Variants in ZNF18 observed in about 807,000 individuals in gnomAD.
ZNF18 encodes heart development-specific gene 1 protein.
Under a neutral mutation model 58.1 loss-of-function variants are expected in ZNF18, and 42 were observed. That is an observed-to-expected ratio of 0.72 (90% CI 0.56 to 0.93). ZNF18 has a LOEUF of 0.93. Ranked by LOEUF, ZNF18 falls within the 40% of genes least tolerant of loss-of-function variation. ZNF18 has a pLI of 0.00. For synonymous variants in ZNF18, 231 were observed against 239.8 expected (o/e 0.96, Z 0.34); for missense variants, 540 against 644.2 (o/e 0.84, Z 1.75).
the ZNF18 span, among the ~76,000 whole-genome samples, chr17:12,012,076 T>A: frequency 6.6e-6 from 1 of 152,232 alleles, no homozygotes; most frequent in Non-Finnish European, 1.5e-5. Flanking sequence ...AAAGAATATA[T>A]AATGTAAAGT....
chr17:12,012,418 G>A, the ZNF18 span, among the ~76,000 whole-genome samples: 6 of 152,286 alleles, frequency 3.9e-5, no homozygotes, highest in South Asian at 8.3e-4. Flanking sequence ...ACTATATTCA[G>A]TAACCTTGGA....
At chr17:11,993,000 T>C (rs192174954) in intron 1 of ZNF18, 89 bp from the exon 2 acceptor site, 60 of 728,792 alleles carry the variant, frequency 8.2e-5, no homozygotes, top group Admixed American at 1.5e-4. Context: ...CGAGAAGCCA[T>C]GGGGTCAACT....
At chr17:12,006,819 G>T in the ZNF18 span, among the ~76,000 whole-genome samples, 5 of 151,880 alleles carry the variant, frequency 3.3e-5, no homozygotes, top group African/African-American at 1.2e-4. Flanking sequence ...TATCCCAGAA[G>T]AAAGAAAAAA....
intron 6 of ZNF18, 91 bp from the exon 7 acceptor site, chr17:11,978,835 ATTTTCT>A: frequency 4.6e-6 from 1 of 216,620 alleles, no homozygotes. Flanking sequence ...TAAAACATTC[ATTTTCT>A]TTTTTTTTTT....
At chr17:12,019,713 G>C in the ZNF18 span, among the ~76,000 whole-genome samples, 7 of 152,188 alleles carry the variant, frequency 4.6e-5, no homozygotes, top group Admixed American at 2.6e-4. Flanking sequence ...GAACAAGAAG[G>C]CAGGGCTATT....
At chr17:12,008,141 C>T in the ZNF18 span, among the ~76,000 whole-genome samples, 2 of 152,076 alleles carry the variant, frequency 1.3e-5, no homozygotes, top group East Asian at 1.9e-4. Context: ...GCTGGTTACC[C>T]GGAATTAAGC....
chr17:12,003,962 G>C, the ZNF18 span, among the ~76,000 whole-genome samples: 3 of 152,260 alleles, frequency 2.0e-5, no homozygotes, highest in Admixed American at 2.0e-4. Context: ...GCCGGGTGCA[G>C]TGACTCACGC....
chr17:11,988,954 T>C (rs1967924798), intron 4 of ZNF18, among the ~76,000 whole-genome samples: 2 of 151,556 alleles, frequency 1.3e-5, no homozygotes, highest in Non-Finnish European at 2.9e-5. Context: ...AGGTCAGGAG[T>C]TCGAGACCAG....
At chr17:11,984,806 C>T (rs974795088) in intron 4 of ZNF18, among the ~76,000 whole-genome samples, 3 of 152,062 alleles carry the variant, frequency 2.0e-5, no homozygotes, top group Admixed American at 6.5e-5. Context: ...CTTGCCTGGC[C>T]GGTACTATTT....
chr17:12,016,999 C>T, the ZNF18 span, among the ~76,000 whole-genome samples: 5 of 152,128 alleles, frequency 3.3e-5, no homozygotes, highest in Admixed American at 6.5e-5. Flanking sequence ...GAGTTCAAGA[C>T]AAGCCTGGGC....
At chr17:12,011,195 G>C in the ZNF18 span, 3 of 551,366 alleles carry the variant, frequency 5.4e-6, no homozygotes, top group Non-Finnish European at 9.9e-6. Flanking sequence ...TATATCGGGT[G>C]CCTCTCCTCT....
intron 4 of ZNF18, 21 bp downstream of exon 4, chr17:11,990,441 C>A (rs779990077): frequency 2.5e-6 from 4 of 1,601,660 alleles, no homozygotes; most frequent in Non-Finnish European, 3.4e-6. Flanking sequence ...TCCTTTTCAT[C>A]GCTTTTGTAC....
upstream of ZNF18, among the ~76,000 whole-genome samples, chr17:11,999,151 T>C (rs1459245014): frequency 1.3e-5 from 2 of 152,226 alleles, no homozygotes; most frequent in Admixed American, 6.5e-5. Context: ...GGGAAGATTA[T>C]AGGAGTTTTA....
At chr17:11,998,637 T>C (rs775854452), upstream of ZNF18, among the ~76,000 whole-genome samples, 31 of 152,180 alleles carry the variant, frequency 2.0e-4, no homozygotes, top group Non-Finnish European at 3.5e-4. Flanking sequence ...GTCCCATGTT[T>C]ACAAGAATTA....
chr17:11,983,221 TCA>T, intron 6 of ZNF18, 74 bp downstream of exon 6: 1 of 1,150,132 alleles, frequency 8.7e-7, no homozygotes. Flanking sequence ...CTGACCTCCT[TCA>T]CCACCTCCCC....
chr17:11,992,315 T>C (rs1317210349), intron 2 of ZNF18, 128 bp downstream of exon 2: 13 of 1,195,054 alleles, frequency 1.1e-5, no homozygotes, highest in Admixed American at 2.7e-5. Flanking sequence ...AATCACAGAA[T>C]TGGCCATTGG....
At chr17:12,013,879 G>A in the ZNF18 span, among the ~76,000 whole-genome samples, 14 of 152,324 alleles carry the variant, frequency 9.2e-5, no homozygotes, top group African/African-American at 3.1e-4. Context: ...CAACAAACCT[G>A]TATGGAACAA....
rs751960131 is a variant in ZNF18, at chr17:11,983,417, G to C, written c.752-10C>G. The C allele has an allele frequency of 1.0e-5, 16 of 1,604,454 alleles. No individual in the cohort carries two copies. The highest frequency in any genetic ancestry group is 1.4e-5 in the Non-Finnish European group (16 of 1,171,400). On this transcript the variant is annotated splice_polypyrimidine_tract_variant and intron_variant, in intron 5 of 6. Transcript: ENST00000580306. ...GGATGGGAAATGCCTGCTATAGAGA[G>C]AAAGATGTATGGTGGGCCTGGATGA...
In ZNF18 at chr17:11,990,411, A is replaced by AT. The variant is rs775097060; in HGVS notation, c.666+50dup. 2.0e-6 allele frequency: 3 copies of AT among 1,498,532 alleles called. No individual in the cohort carries two copies. The East Asian group carries it at 7.0e-5, about 35-fold the overall frequency. The allele number at this position is 1,498,532 out of a possible 1,614,324, so 92.8% of individuals were successfully genotyped here. A position where few individuals can be genotyped will look rare whatever the true frequency, so the allele number is the denominator to read the frequency against. Reference sequence around the variant, plus strand: ...GGGTGAAGAGAAGCAGGAGGATGAGATTATAAAAGGTAAAAAGTTTCCTTT... The same window carrying AT: ...GGGTGAAGAGAAGCAGGAGGATGAGATTTATAAAAGGTAAAAAGTTTCCTTT... On this transcript the variant is annotated intron_variant, in intron 4 of 6. Coordinates refer to ENST00000580306, the MANE Select transcript of ZNF18 (RefSeq NM_001303281.2).
Sources: allele counts gnomAD v4.1 joint callset (sites outside exome capture counted in the v4.1 genomes callset), GRCh38; gene constraint gnomAD v4.1.1; transcripts MANE v1.5; gene names NCBI Gene and HGNC (gene_info 2026-07-23, HGNC 2026-07-21).